Variants in CFAP263 observed in about 807,000 individuals in gnomAD.
CFAP263 encodes the protein cilia and flagella associated protein 263.
the CFAP263 span, among the ~76,000 whole-genome samples, chr16:58,261,913 G>A: frequency 9.9e-4 from 150 of 152,274 alleles, no homozygotes; most frequent in Middle Eastern, 0.01. Flanking sequence ...GGGGGAAATC[G>A]GTGGGCTGCT....
chr16:58,272,011 T>G, the CFAP263 span, among the ~76,000 whole-genome samples: 2 of 150,058 alleles, frequency 1.3e-5, no homozygotes, highest in Non-Finnish European at 1.5e-5. Context: ...CAGTTTCCAC[T>G]CATAGATTTT....
chr16:58,255,092 A>C, the CFAP263 span, among the ~76,000 whole-genome samples: 1 of 152,086 alleles, frequency 6.6e-6, no homozygotes, highest in Non-Finnish European at 1.5e-5. Context: ...GAAAAGAGAG[A>C]AGCCGGTAGT....
At chr16:58,250,126 C>T in the CFAP263 span, 2 of 1,549,766 alleles carry the variant, frequency 1.3e-6, no homozygotes, top group Non-Finnish European at 1.7e-6. Flanking sequence ...GTACCGCCGC[C>T]CGCGCCTGGG....
chr16:58,260,056 T>A, the CFAP263 span: 1 of 607,590 alleles, frequency 1.6e-6, no homozygotes, highest in Non-Finnish European at 2.9e-6. Flanking sequence ...GTGAATACAT[T>A]AACTTACATG....
chr16:58,253,870 G>T, the CFAP263 span: 2 of 926,014 alleles, frequency 2.2e-6, no homozygotes, highest in Non-Finnish European at 3.4e-6. Context: ...CTTTTACCAT[G>T]AATTTGTTCT....
the CFAP263 span, among the ~76,000 whole-genome samples, chr16:58,258,872 G>A: frequency 2.0e-5 from 3 of 152,046 alleles, no homozygotes; most frequent in East Asian, 5.8e-4. Context: ...CAGCTGCTCG[G>A]GAGGCTGAGG....
the CFAP263 span, chr16:58,280,356 T>C: frequency 3.1e-6 from 5 of 1,614,108 alleles, no homozygotes; most frequent in Non-Finnish European, 4.2e-6. Flanking sequence ...AGTATAAGGG[T>C]TGTACAGACG....
At chr16:58,269,286 G>A in the CFAP263 span, among the ~76,000 whole-genome samples, 11 of 152,036 alleles carry the variant, frequency 7.2e-5, no homozygotes, top group Admixed American at 5.2e-4. Flanking sequence ...AGCCAAGATC[G>A]TGCCACTGCA....
the CFAP263 span, among the ~76,000 whole-genome samples, chr16:58,264,390 G>A: frequency 6.6e-6 from 1 of 152,174 alleles, no homozygotes; most frequent in East Asian, 1.9e-4. Flanking sequence ...GATCTCTTTA[G>A]GATGGGTCTA....
chr16:58,279,657 ATT>A, the CFAP263 span: 2 of 1,499,256 alleles, frequency 1.3e-6, no homozygotes, highest in Non-Finnish European at 1.8e-6. Flanking sequence ...CTCCTTTATC[ATT>A]TTTTTTCTTT....
the CFAP263 span, chr16:58,267,392 T>C: frequency 1.1e-6 from 1 of 929,658 alleles, no homozygotes; most frequent in South Asian, 1.5e-5. Flanking sequence ...GTCCTGCTTT[T>C]CTGTTCGTTA....
the CFAP263 span, chr16:58,259,818 G>A: frequency 7.6e-7 from 1 of 1,320,362 alleles, no homozygotes; most frequent in Admixed American, 1.9e-5. Context: ...GGAGAGAAAT[G>A]GATTAAATGC....
At chr16:58,268,072 C>T in the CFAP263 span, among the ~76,000 whole-genome samples, 1 of 113,942 alleles carries the variant, frequency 8.8e-6, no homozygotes, top group Non-Finnish European at 1.8e-5. Flanking sequence ...AGGTCATAAC[C>T]ATACGACATC....
chr16:58,266,401 ATATATTTTTTTTTTT>A, the CFAP263 span, among the ~76,000 whole-genome samples: 14 of 41,830 alleles, frequency 3.3e-4, no homozygotes, highest in South Asian at 1.0e-3. Context: ...ATATATATAT[ATATATTTTTTTTTTT>A]TTTTTTTTTT....
At chr16:58,264,336 G>A in the CFAP263 span, among the ~76,000 whole-genome samples, 6 of 152,174 alleles carry the variant, frequency 3.9e-5, no homozygotes, top group Non-Finnish European at 7.3e-5. Context: ...TTTTGGAAAT[G>A]GAGCTACTGA....
At chr16:58,279,825 A>G in the CFAP263 span, 3 of 1,407,796 alleles carry the variant, frequency 2.1e-6, no homozygotes, top group Admixed American at 1.8e-5. Context: ...CTATAAAAGT[A>G]ATCAGCTCCT....
At chr16:58,253,430 GT>G in the CFAP263 span, among the ~76,000 whole-genome samples, 1 of 151,906 alleles carries the variant, frequency 6.6e-6, no homozygotes, top group African/African-American at 2.4e-5. Flanking sequence ...GGACTCAACT[GT>G]TTACAAGGCC....
the CFAP263 span, among the ~76,000 whole-genome samples, chr16:58,268,918 T>C: frequency 2.0e-5 from 3 of 152,208 alleles, no homozygotes; most frequent in Admixed American, 1.3e-4. Context: ...TGCCATATAA[T>C]CACCCATTTA....
At chr16:58,281,282 G>A in the CFAP263 span, 30 of 158,530 alleles carry the variant, frequency 1.9e-4, no homozygotes, top group Admixed American at 1.2e-3. Flanking sequence ...TTAAAGTGAC[G>A]GAGTAGAAGC....
Sources: gnomAD v4.1 joint callset for allele counts (sites outside exome capture counted in the v4.1 genomes callset) on GRCh38, gnomAD v4.1.1 for gene constraint, MANE v1.5 for transcripts, NCBI Gene and HGNC (gene_info 2026-07-23, HGNC 2026-07-21) for gene names.